NETO1: variants seen among roughly 807,000 people sequenced by gnomAD.
NETO1 encodes neuropilin and tolloid like 1, also known as neuropilin and tolloid-like protein 1.
NETO1 carries 26 observed loss-of-function variants against 61.3 expected under a neutral mutation model. The observed-to-expected ratio is 0.42, with a 90% confidence interval of 0.31 to 0.59. The LOEUF is 0.59. Among genes scored for constraint, NETO1 ranks in the 20% least tolerant of loss-of-function variants. The probability of loss-of-function intolerance (pLI) is 0.12; values close to 1 mark genes in which losing one functional copy is unlikely to be tolerated. For missense variants in NETO1, 531 were observed against 662.8 expected, an observed-to-expected ratio of 0.80 and a Z score of 2.18; for synonymous variants, 225 against 225.8, an observed-to-expected ratio of 1.00 and a Z score of 0.03.
intron 7 of NETO1, among the ~76,000 whole-genome samples, chr18:72,769,751 C>T (rs901855849): frequency 3.9e-5 from 6 of 151,962 alleles, no homozygotes; most frequent in East Asian, 3.9e-4. Context: ...TACACGTGTT[C>T]GCTACTTGCT....
At chr18:72,787,467 T>A (rs149007897) in intron 6 of NETO1, among the ~76,000 whole-genome samples, 1 of 152,148 alleles carries the variant, frequency 6.6e-6, no homozygotes, top group Admixed American at 6.5e-5. Flanking sequence ...CCACCTGATG[T>A]TTTCAAGTTG....
intron 6 of NETO1, among the ~76,000 whole-genome samples, chr18:72,789,019 C>A (rs1311850165): frequency 1.3e-5 from 2 of 152,168 alleles, no homozygotes; most frequent in African/African-American, 2.4e-5. Context: ...CTACTAGACA[C>A]CTTTATAAAT....
intron 7 of NETO1, among the ~76,000 whole-genome samples, chr18:72,768,738 T>A (rs1397809714): frequency 1.3e-5 from 2 of 152,182 alleles, no homozygotes; most frequent in African/African-American, 4.8e-5. Context: ...AGAAGGGCTA[T>A]GAGCCAAGAA....
Position 72,865,501 on chromosome 18 carries a change from G to A in NETO1, c.29-260C>T, listed in dbSNP as rs1599200345. 13 of 1,525,794 alleles carry A rather than the reference G, an allele frequency of 8.5e-6. No homozygotes were observed. In the East Asian group the frequency reaches 2.5e-4, roughly 29 times the overall value. The allele number at this position is 1,525,794 out of a possible 1,614,324, so 94.5% of individuals were successfully genotyped here. A position where few individuals can be genotyped will look rare whatever the true frequency, so the allele number is the denominator to read the frequency against. ...AGGCAAATACATCATTCACTCTAAAGGCAACATGTCAATTTACTCATGTCA... is the reference window on the plus strand; with the variant it reads ...AGGCAAATACATCATTCACTCTAAAAGCAACATGTCAATTTACTCATGTCA... On this transcript the variant is annotated intron_variant, in intron 1 of 10. Coordinates refer to ENST00000327305, the MANE Select transcript of NETO1 (RefSeq NM_138966.5).
At chr18:72,812,972 T>G (rs1022341613) in intron 4 of NETO1, among the ~76,000 whole-genome samples, 1 of 152,302 alleles carries the variant, frequency 6.6e-6, no homozygotes, top group South Asian at 2.1e-4. Flanking sequence ...ATATAGTACT[T>G]TTATAATAAT....
chr18:72,812,020 T>G (rs1028249883), intron 4 of NETO1, among the ~76,000 whole-genome samples: 3 of 152,206 alleles, frequency 2.0e-5, no homozygotes, highest in Non-Finnish European at 4.4e-5. Context: ...GTTCCCACAG[T>G]GACTGCAGCC....
intron 8 of NETO1, among the ~76,000 whole-genome samples, chr18:72,753,099 A>G: frequency 6.6e-6 from 1 of 152,170 alleles, no homozygotes; most frequent in Non-Finnish European, 1.5e-5. Flanking sequence ...AGGAAAAACA[A>G]CAACAACAAA....
intron 6 of NETO1, among the ~76,000 whole-genome samples, chr18:72,791,481 T>C (rs2072114913): frequency 6.6e-6 from 1 of 152,198 alleles, no homozygotes; most frequent in African/African-American, 2.4e-5. Context: ...TCCTCTAACC[T>C]TTAATTTAAC....
rs936573332 is a variant in NETO1, at chr18:72,789,241, CACACACACAT to C, written c.639+4866_639+4875del. ...ACACACACACACACACACACACACA[CACACACACAT>C]GTGCACAGCACAATTCCTGATATAA... is the stretch of plus-strand genomic sequence containing the variant. On this transcript the variant is annotated intron_variant, in intron 6 of 10. Coordinates refer to ENST00000327305, the MANE Select transcript of NETO1 (RefSeq NM_138966.5). Among the ~76,000 whole-genome samples the C allele has an allele frequency of 1.1e-4, 11 of 100,192 alleles. No homozygotes were observed. The East Asian group carries it at 1.7e-3, about 15-fold the overall frequency. The allele number at this position is 100,192 out of a possible 152,430, so 65.7% of individuals were successfully genotyped here.
intron 7 of NETO1, among the ~76,000 whole-genome samples, chr18:72,772,332 A>C (rs927561624): frequency 1.3e-5 from 2 of 152,162 alleles, no homozygotes; most frequent in Non-Finnish European, 2.9e-5. Flanking sequence ...GTGATTATAA[A>C]GATCCCAAGA....
chr18:72,845,415 A>G (rs1273233149), intron 4 of NETO1, among the ~76,000 whole-genome samples: 2 of 152,240 alleles, frequency 1.3e-5, no homozygotes, highest in African/African-American at 4.8e-5. Flanking sequence ...ACTATTGTAT[A>G]TATAACATAT....
At chr18:72,787,586 G>C (rs545368715) in intron 6 of NETO1, among the ~76,000 whole-genome samples, 1 of 152,266 alleles carries the variant, frequency 6.6e-6, no homozygotes, top group South Asian at 2.1e-4. Context: ...GAAAGTTTGC[G>C]TGTTATATTG....
In NETO1 at chr18:72,756,017, C is replaced by A. The variant is rs2070771895; in HGVS notation, c.982+17G>T. The A allele has an allele frequency of 2.1e-6, 3 of 1,423,178 alleles. No individual in the cohort carries two copies. Among genetic ancestry groups the A allele is most frequent in the Admixed American group, 1.8e-5 (1 of 54,388 alleles). The allele number at this position is 1,423,178 out of a possible 1,614,324, so 88.2% of individuals were successfully genotyped here. On this transcript the variant is annotated intron_variant, in intron 8 of 10. Transcript: ENST00000327305. ...CAGGGAGGAAATTTTTTTCAAATTT[C>A]AGGCACTAATCATTACCTTTACAGT...
chr18:72,865,310 A>C, intron 1 of NETO1, 69 bp from the exon 2 acceptor site: 1 of 1,309,978 alleles, frequency 7.6e-7, no homozygotes, highest in Non-Finnish European at 1.1e-6. Context: ...AACATAACAT[A>C]ATTTCAAGAT....
At chr18:72,857,171 A>G (rs1204732400) in intron 4 of NETO1, among the ~76,000 whole-genome samples, 2 of 152,164 alleles carry the variant, frequency 1.3e-5, no homozygotes, top group Non-Finnish European at 2.9e-5. Flanking sequence ...GCTCTAGTTG[A>G]TCTGAGTAAA....
intron 4 of NETO1, among the ~76,000 whole-genome samples, chr18:72,838,483 C>T (rs916524626): frequency 6.6e-6 from 1 of 152,210 alleles, no homozygotes; most frequent in Non-Finnish European, 1.5e-5. Flanking sequence ...GTAACTTATA[C>T]ATTATTGTTA....
chr18:72,847,088 C>A (rs1343430774), intron 4 of NETO1, among the ~76,000 whole-genome samples: 1 of 152,184 alleles, frequency 6.6e-6, no homozygotes, highest in Non-Finnish European at 1.5e-5. Flanking sequence ...CTTTGAAGTG[C>A]AAATTTCTGA....
intron 4 of NETO1, among the ~76,000 whole-genome samples, chr18:72,856,748 T>G (rs2074422006): frequency 6.6e-6 from 1 of 152,182 alleles, no homozygotes; most frequent in Non-Finnish European, 1.5e-5. Context: ...GTAGGCGGAA[T>G]TTCATCTCCA....
chr18:72,814,866 A>G (rs529692580), intron 4 of NETO1, among the ~76,000 whole-genome samples: 29 of 152,178 alleles, frequency 1.9e-4, no homozygotes, highest in Middle Eastern at 6.8e-3. Flanking sequence ...CATTGCATCA[A>G]TGAAATATTT....
Sources: gnomAD v4.1 joint callset for allele counts (sites outside exome capture counted in the v4.1 genomes callset) on GRCh38, gnomAD v4.1.1 for gene constraint, MANE v1.5 for transcripts, NCBI Gene and HGNC (gene_info 2026-07-23, HGNC 2026-07-21) for gene names.